Variants in MIER2 observed in about 807,000 individuals in gnomAD.
MIER2 encodes MIER family member 2.
In MIER2, 30 loss-of-function variants were observed where a neutral mutation model predicts 67.6. The observed-to-expected ratio is 0.44, with a 90% CI of 0.33 to 0.60. MIER2 has a LOEUF of 0.60. Ranked by LOEUF, MIER2 falls within the 20% of genes least tolerant of loss-of-function variation. The probability of loss-of-function intolerance (pLI) is 0.02; values close to 1 mark genes in which losing one functional copy is unlikely to be tolerated. For synonymous variants in MIER2, 372 were observed against 312.6 expected (o/e 1.19, Z -2.00); for missense variants, 702 against 745.1 (o/e 0.94, Z 0.67).
Position 326,487 on chromosome 19 carries a change from G to A in MIER2, c.585+20C>T. 6.2e-7 allele frequency: 1 copy of A among 1,607,730 alleles called. No homozygotes were observed. The highest frequency in any genetic ancestry group is 1.1e-5 in the South Asian group (1 of 90,968). On this transcript the variant is annotated intron_variant, in intron 6 of 13. Transcript: ENST00000264819. ...ACCACGGCCGGGATGCCAGGTTGGG[G>A]AGATGGCAGAACCACGTACCTTCTT...
At chr19:313,428 T>G in intron 8 of MIER2, 64 bp downstream of exon 8, 3 of 1,573,542 alleles carry the variant, frequency 1.9e-6, no homozygotes, top group Non-Finnish European at 2.6e-6. Flanking sequence ...GGCACTGGGG[T>G]GTGAGCTCTG....
chr19:344,544 C>G (rs1367305552), intron 1 of MIER2: 1 of 305,782 alleles, frequency 3.3e-6, no homozygotes, highest in Admixed American at 6.7e-5. Flanking sequence ...ATGCGCACTG[C>G]AGCCCGCGAT....
chr19:312,332 T>C (rs2145369141), intron 8 of MIER2, 60 bp from the exon 9 acceptor site: 2 of 1,541,756 alleles, frequency 1.3e-6, no homozygotes, highest in South Asian at 2.2e-5. Context: ...CAGCAAGAAC[T>C]GTCTATACCA....
At chr19:337,749 A>G (rs957782293) in intron 1 of MIER2, among the ~76,000 whole-genome samples, 1 of 151,760 alleles carries the variant, frequency 6.6e-6, no homozygotes, top group Non-Finnish European at 1.5e-5. Flanking sequence ...TGTGCCTGTA[A>G]TCCCAGCTAC....
In MIER2 at chr19:327,155, G is replaced by A. The variant is rs1971796429; in HGVS notation, c.471C>T (p.Asp157=). 1 of 1,590,238 alleles carries A rather than the reference G, an allele frequency of 6.3e-7. No individual in the cohort carries two copies. The highest frequency in any genetic ancestry group is 1.2e-5 in the South Asian group (1 of 86,260). Residue 157 remains aspartate, a synonymous_variant, in exon 5 of 14, where the codon GAC becomes GAT. Transcript: ENST00000264819. ...TACATCCACTCCGGTTAGGGAAGAGGTCGGAGGCCTCGTGGGAGGTCACGG... is the reference window on the plus strand; with the variant it reads ...TACATCCACTCCGGTTAGGGAAGAGATCGGAGGCCTCGTGGGAGGTCACGG... ...TPSVTSHEAS[D]LFPNRSGSRF...
In MIER2 at chr19:325,534, C is replaced by T. The variant is rs144349890; in HGVS notation, c.655+101G>A. 36 of 1,347,334 alleles carry T rather than the reference C, an allele frequency of 2.7e-5. 1 individual carries two copies. Among genetic ancestry groups the T allele is most frequent in the Admixed American group, 7.0e-5 (4 of 57,122 alleles). 83.5% of individuals were successfully genotyped at this position (1,347,334 alleles called of 1,614,324 possible). ...GGCTCAGCTGCCCCAGTGAGCGATG[C>T]GGGGCGGGGACCTGACCAGACTGTC... is the stretch of plus-strand genomic sequence containing the variant. On this transcript the variant is annotated intron_variant, in intron 7 of 13. Transcript: ENST00000264819.
At position 307,481 on chromosome 19, in the gene MIER2, A is replaced by G; in HGVS notation, c.1254T>C (p.Ser418=). The change falls in exon 13 of 14, where the codon TCT becomes TCC. Residue 418 remains serine (S), a synonymous_variant. Transcript: ENST00000264819. ...AGGLDEPGVA[S]DGLPSSEPGP... ...CTGGCTCCGAGGACGGGAGTCCATC[A>G]GAGGCCACTCCGGGCTCATCGAGAC... The G allele has an allele frequency of 6.5e-7, 1 of 1,548,350 alleles. No homozygotes were observed.
At chr19:335,311 A>G (rs1182359292) in intron 2 of MIER2, among the ~76,000 whole-genome samples, 1 of 152,244 alleles carries the variant, frequency 6.6e-6, no homozygotes, top group East Asian at 1.9e-4. Context: ...CTGGGCACAC[A>G]GGTGTGCACC....
chr19:329,620 G>A (rs1449131593), intron 3 of MIER2, among the ~76,000 whole-genome samples: 1 of 152,124 alleles, frequency 6.6e-6, no homozygotes, highest in Non-Finnish European at 1.5e-5. Flanking sequence ...CGGGCAGGAT[G>A]GCTCATGCCT....
At chr19:311,351 G>A (rs1435435406) in intron 10 of MIER2, among the ~76,000 whole-genome samples, 10 of 152,372 alleles carry the variant, frequency 6.6e-5, no homozygotes, top group African/African-American at 1.9e-4. Context: ...CACAGAGGAC[G>A]TGGGGAAGGT....
rs773525176 is a variant in MIER2 at position 307,180 on chromosome 19, G to C, written c.1555C>G (p.Pro519Ala). The C allele has an allele frequency of 3.1e-6, 5 of 1,588,824 alleles. No homozygotes were observed. In the South Asian group the frequency reaches 3.4e-5, roughly 11 times the overall value. The change falls in exon 13 of 14, where the codon CCC (proline) becomes GCC (alanine). Residue 519 changes from proline (P) to alanine (A), a missense_variant. This residue lies in a region of MIER2 where 254 missense variants were observed against 262.8 expected (regional missense o/e 0.97). Transcript: ENST00000264819. ...CACGTGGGGTGGGCGGCCAGGAAGG[G>C]GTTCACGTCCCCAATGCCGATGAGT... The part of the protein sequence containing the change: ...FGLIGIGDVN[P>A]FLAAHPTCPA...
At position 318,273 on chromosome 19, in the gene MIER2, C is replaced by A. The variant is rs199820606; in HGVS notation, c.656-4630G>T. On this transcript the variant is annotated intron_variant, in intron 7 of 13. Coordinates refer to ENST00000264819, the MANE Select transcript of MIER2 (RefSeq NM_017550.3). ...GAATGGAAAAAAGAATGGGAAAAAA[C>A]CATGCAAACACTAAACAAATCAACA... Among the ~76,000 whole-genome samples, 44 of 152,190 alleles carry A rather than the reference C, an allele frequency of 2.9e-4. No homozygotes were observed. In the East Asian group the frequency reaches 4.6e-3, roughly 16 times the overall value.
chr19:335,084 C>A (rs770365770), intron 2 of MIER2, among the ~76,000 whole-genome samples: 1 of 152,350 alleles, frequency 6.6e-6, no homozygotes, highest in African/African-American at 2.4e-5. Context: ...CAACAGTTGA[C>A]GGCTGTCATC....
chr19:320,432 G>T (rs569214735), intron 7 of MIER2, among the ~76,000 whole-genome samples: 1 of 151,796 alleles, frequency 6.6e-6, no homozygotes, highest in East Asian at 1.9e-4. Context: ...TTAAAAAATA[G>T]ATACGTAAAT....
chr19:306,625 CAG>C lies in MIER2; in HGVS notation c.*63_*64del. ...GTGGGGAAGGGGTCAGGAAGACTGA[CAG>C]AGGCGGGCCCAGCGGCAGCGCTAAG... On this transcript the variant is annotated 3_prime_UTR_variant, in exon 14 of 14. Coordinates refer to ENST00000264819, the MANE Select transcript of MIER2 (RefSeq NM_017550.3). 6.5e-7 allele frequency: 1 copy of C among 1,547,936 alleles called. No individual in the cohort carries two copies. Among genetic ancestry groups the C allele is most frequent in the Non-Finnish European group, 8.7e-7 (1 of 1,144,582 alleles).
chr19:337,956 G>A (rs765025417), intron 1 of MIER2, among the ~76,000 whole-genome samples: 13 of 149,804 alleles, frequency 8.7e-5, no homozygotes, highest in East Asian at 4.0e-4. Context: ...GGCAGATCAC[G>A]AGGTCAGCAG....
chr19:341,125 C>T (rs1972481580), intron 1 of MIER2, among the ~76,000 whole-genome samples: 1 of 152,178 alleles, frequency 6.6e-6, no homozygotes, highest in African/African-American at 2.4e-5. Flanking sequence ...ACCCTCAGCC[C>T]CCTCTAGGAC....
chr19:306,508 G>T lies in MIER2; in HGVS notation c.*182C>A. ...GGGTGGGGCCGTGGGTCCATTCTGT[G>T]TGGACAGGGGCAAGGGCTCACGGCC... On this transcript the variant is annotated 3_prime_UTR_variant, in exon 14 of 14. Coordinates refer to ENST00000264819, the MANE Select transcript of MIER2 (RefSeq NM_017550.3). 1.2e-6 allele frequency: 1 copy of T among 820,548 alleles called. No individual in the cohort carries two copies. Among genetic ancestry groups the T allele is most frequent in the Non-Finnish European group, 1.9e-6 (1 of 522,804 alleles). 50.8% of individuals were successfully genotyped at this position (820,548 alleles called of 1,614,324 possible).
chr19:311,621 C>T (rs937687266), intron 10 of MIER2, among the ~76,000 whole-genome samples: 11 of 152,188 alleles, frequency 7.2e-5, no homozygotes, highest in African/African-American at 2.7e-4. Flanking sequence ...GCTTTTGCCA[C>T]ATTCTTTCCC....
Sources: gnomAD v4.1 joint callset for allele counts (sites outside exome capture counted in the v4.1 genomes callset) on GRCh38, gnomAD v4.1.1 for gene constraint, gnomAD v4.1.1 regional missense constraint, MANE v1.5 for transcripts, NCBI Gene and HGNC (gene_info 2026-07-23, HGNC 2026-07-21) for gene names.